The following SIPA1L2 variants were observed in gnomAD, a reference collection of about 807,000 sequenced individuals.
SIPA1L2 encodes the protein signal-induced proliferation-associated 1-like protein 2.
In SIPA1L2, 56 loss-of-function variants were observed where a neutral mutation model predicts 163.9. The observed-to-expected ratio is 0.34, with a 90% confidence interval of 0.28 to 0.43. The LOEUF is 0.43. Among genes scored for constraint, SIPA1L2 ranks in the 20% least tolerant of loss-of-function variants. SIPA1L2 has a pLI of 1.00. For synonymous variants in SIPA1L2, 877 were observed against 865.7 expected (o/e 1.01, Z -0.23); for missense variants, 1,974 against 2,193.5 (o/e 0.90, Z 2.00).
In SIPA1L2 at chr1:232,598,434, T is replaced by C. The variant is rs148859999; in HGVS notation, c.-318-24212A>G. Among the ~76,000 whole-genome samples, 362 of 152,248 alleles carry C rather than the reference T, an allele frequency of 2.4e-3. 3 individuals carry two copies. Among genetic ancestry groups the C allele is most frequent in the African/African-American group, 7.2e-3 (298 of 41,548 alleles). On this transcript the variant is annotated intron_variant, in intron 1 of 22. Transcript: ENST00000674635. The stretch of plus-strand genomic sequence containing the variant: ...CTAAAAGAAAACCAAAAATGACAGC[T>C]TGTAGCTAACTCAAAGACACCTGTT...
In SIPA1L2 at chr1:232,591,580, T is replaced by C. The variant is rs183893968; in HGVS notation, c.-318-17358A>G. On this transcript the variant is annotated intron_variant, in intron 1 of 22. Transcript: ENST00000674635. The stretch of plus-strand genomic sequence containing the variant: ...ATAGCCATCTGGCACCTCTGCCTTT[T>C]GTTGTGTGTTGCCTTTAAGCTCTCT... 4.6e-4 allele frequency among the ~76,000 whole-genome samples: 70 copies of C among 152,354 alleles called. No homozygotes were observed. In the East Asian group the frequency reaches 0.011, roughly 25 times the overall value.
intron 12 of SIPA1L2, 74 bp downstream of exon 12, chr1:232,443,528 C>T: frequency 3.3e-6 from 4 of 1,203,102 alleles, no homozygotes; most frequent in South Asian, 1.7e-5. Context: ...AGAAGGCACA[C>T]AGTAAATGCT....
intron 1 of SIPA1L2, among the ~76,000 whole-genome samples, chr1:232,627,610 G>C (rs1415583547): frequency 6.6e-6 from 1 of 151,922 alleles, no homozygotes; most frequent in Non-Finnish European, 1.5e-5. Context: ...ATCATGATCT[G>C]ATAATTCCCT....
chr1:232,621,605 A>G (rs1662814477), intron 1 of SIPA1L2, among the ~76,000 whole-genome samples: 1 of 152,254 alleles, frequency 6.6e-6, no homozygotes, highest in Admixed American at 6.5e-5. Context: ...TTAAGTATAC[A>G]TGAGAGAACA....
intron 1 of SIPA1L2, among the ~76,000 whole-genome samples, chr1:232,581,841 T>TA (rs1660394860): frequency 6.6e-6 from 1 of 152,138 alleles, no homozygotes; most frequent in African/African-American, 2.4e-5. Flanking sequence ...CCTTTGCGCC[T>TA]AAAAGCCCCA....
chr1:232,558,531 A>G (rs1479880740), intron 2 of SIPA1L2, among the ~76,000 whole-genome samples: 1 of 152,210 alleles, frequency 6.6e-6, no homozygotes, highest in South Asian at 2.1e-4. Flanking sequence ...GAGCATATTT[A>G]GTTTTGTACA....
chr1:232,437,454 A>T (rs1388525441), intron 15 of SIPA1L2, among the ~76,000 whole-genome samples: 2 of 152,188 alleles, frequency 1.3e-5, no homozygotes, highest in African/African-American at 4.8e-5. Context: ...TAGAACTGGT[A>T]AAAAAAGTAG....
rs138313465 is a variant in SIPA1L2, at chr1:232,629,012, C to T, written c.-319+857G>A. 6.3e-3 allele frequency among the ~76,000 whole-genome samples: 960 copies of T among 152,196 alleles called. 17 individuals carry two copies. Among genetic ancestry groups the T allele is most frequent in the African/African-American group, 0.022 (903 of 41,522 alleles). On this transcript the variant is annotated intron_variant, in intron 1 of 22. Transcript: ENST00000674635. ...TCTACAATTTTGTTTTGACCAAAAT[C>T]ATGTTTTGGTGAGCACAATTCCGTA...
chr1:232,597,404 G>GC (rs1661316241), intron 1 of SIPA1L2, among the ~76,000 whole-genome samples: 1 of 151,866 alleles, frequency 6.6e-6, no homozygotes, highest in South Asian at 2.1e-4. Context: ...TTGGCCGGGC[G>GC]CGGTGGCTCA....
In SIPA1L2 at chr1:232,525,401, A is replaced by AT. The variant is rs59155660; in HGVS notation, c.-269-9794dup. 3.0e-3 allele frequency among the ~76,000 whole-genome samples: 387 copies of AT among 127,632 alleles called. 15 individuals carry two copies. Among genetic ancestry groups the AT allele is most frequent in the East Asian group, 0.03 (115 of 3,826 alleles). The allele number at this position is 127,632 out of a possible 152,430, so 83.7% of individuals were successfully genotyped here. ...CAGGCACCCGCCACCAAGCCTGGCT[A>AT]TTTTTTTTTTTTTTTTTTTTTTTTT... is the stretch of plus-strand genomic sequence containing the variant. On this transcript the variant is annotated intron_variant, in intron 2 of 22. Coordinates refer to ENST00000674635, the MANE Select transcript of SIPA1L2 (RefSeq NM_020808.5).
intron 5 of SIPA1L2, among the ~76,000 whole-genome samples, chr1:232,488,051 C>T (rs540885607): frequency 6.6e-6 from 1 of 152,112 alleles, no homozygotes; most frequent in East Asian, 1.9e-4. Flanking sequence ...CCTCCCGGTT[C>T]AAGTGATTCT....
chr1:232,559,433 A>G (rs1242010444), intron 2 of SIPA1L2, among the ~76,000 whole-genome samples: 2 of 152,052 alleles, frequency 1.3e-5, no homozygotes, highest in Non-Finnish European at 1.5e-5. Context: ...GGAAGAATAA[A>G]CCTCCTTTTG....
intron 2 of SIPA1L2, among the ~76,000 whole-genome samples, chr1:232,521,534 TC>T (rs1667459453): frequency 6.6e-6 from 1 of 152,154 alleles, no homozygotes; most frequent in Non-Finnish European, 1.5e-5. Flanking sequence ...CTTGGTAAAC[TC>T]CATCTGGGTG....
intron 9 of SIPA1L2, among the ~76,000 whole-genome samples, chr1:232,463,562 T>C (rs985405982): frequency 2.6e-5 from 4 of 152,228 alleles, no homozygotes; most frequent in Admixed American, 2.0e-4. Context: ...GTCCATCGAA[T>C]AGCAAATGTA....
chr1:232,412,047 G>T (rs1284932064), intron 19 of SIPA1L2, among the ~76,000 whole-genome samples: 1 of 152,112 alleles, frequency 6.6e-6, no homozygotes, highest in African/African-American at 2.4e-5. Flanking sequence ...GTCCTTGCAC[G>T]AATAGAGTTT....
intron 2 of SIPA1L2, among the ~76,000 whole-genome samples, chr1:232,555,845 A>G (rs1192880225): frequency 6.6e-6 from 1 of 152,240 alleles, no homozygotes; most frequent in East Asian, 1.9e-4. Flanking sequence ...TCTCTATTAC[A>G]GAAAAAAATC....
At position 232,460,015 on chromosome 1, in the gene SIPA1L2, A is replaced by C. The variant is rs1664144746; in HGVS notation, c.3095+872T>G. Among the ~76,000 whole-genome samples the C allele has an allele frequency of 2.0e-5, 3 of 152,212 alleles. No homozygotes were observed. In the South Asian group the frequency reaches 6.2e-4, roughly 32 times the overall value. Reference sequence around the variant, plus strand: ...CCACACAGCAAATTCCTGGATTCCAAGCATACTTTGTCTCTCAAAAGCCAG... The same window carrying C: ...CCACACAGCAAATTCCTGGATTCCACGCATACTTTGTCTCTCAAAAGCCAG... On this transcript the variant is annotated intron_variant, in intron 10 of 22. Transcript: ENST00000674635.
chr1:232,583,490 A>C (rs1008261563), intron 1 of SIPA1L2, among the ~76,000 whole-genome samples: 4 of 152,214 alleles, frequency 2.6e-5, no homozygotes, highest in Non-Finnish European at 5.9e-5. Flanking sequence ...ATCCATGGTC[A>C]AATGGAGCAC....
intron 11 of SIPA1L2, among the ~76,000 whole-genome samples, chr1:232,444,097 G>A (rs867752703): frequency 5.9e-5 from 9 of 152,176 alleles, no homozygotes; most frequent in African/African-American, 1.7e-4. Flanking sequence ...TATGCAAAAA[G>A]AAAAACCTAA....
Sources: gnomAD v4.1 joint callset for allele counts (sites outside exome capture counted in the v4.1 genomes callset) on GRCh38, gnomAD v4.1.1 for gene constraint, MANE v1.5 for transcripts, NCBI Gene and HGNC (gene_info 2026-07-23, HGNC 2026-07-21) for gene names.